Variants in CNTNAP5 observed in about 807,000 individuals in gnomAD.
CNTNAP5 encodes contactin associated protein family member 5.
In CNTNAP5, 72 loss-of-function variants were observed where a neutral mutation model predicts 150.2. The observed-to-expected ratio is 0.48, with a 90% CI of 0.40 to 0.58. The LOEUF (loss-of-function observed/expected upper bound fraction) is 0.58, where lower values mean the gene tolerates loss of function less well. Among genes scored for constraint, CNTNAP5 ranks in the 20% least tolerant of loss-of-function variants. CNTNAP5 has a pLI of 0.00. For synonymous variants in CNTNAP5, 672 were observed against 619.8 expected, an observed-to-expected ratio of 1.08 and a Z score of -1.25; for missense variants, 1,636 against 1,626.2, an observed-to-expected ratio of 1.01 and a Z score of -0.10.
intron 1 of CNTNAP5, among the ~76,000 whole-genome samples, chr2:124,106,068 T>C (rs1272524732): frequency 6.6e-6 from 1 of 152,176 alleles, no homozygotes; most frequent in African/African-American, 2.4e-5. Flanking sequence ...TGTGTATTTC[T>C]CCAGATACTG....
chr2:124,460,218 A>G (rs568661843), intron 6 of CNTNAP5, among the ~76,000 whole-genome samples: 1 of 152,292 alleles, frequency 6.6e-6, no homozygotes, highest in South Asian at 2.1e-4. Context: ...AAGGATACTA[A>G]AGCAAGAGGT....
At chr2:124,364,946 A>G (rs989013953) in intron 3 of CNTNAP5, among the ~76,000 whole-genome samples, 1 of 152,166 alleles carries the variant, frequency 6.6e-6, no homozygotes, top group Non-Finnish European at 1.5e-5. Context: ...CACACCATCA[A>G]TGTGTGCTGA....
intron 7 of CNTNAP5, among the ~76,000 whole-genome samples, chr2:124,480,973 G>A (rs1214310326): frequency 1.3e-5 from 2 of 152,196 alleles, no homozygotes; most frequent in Non-Finnish European, 2.9e-5. Flanking sequence ...AAAACTAACA[G>A]TGTAATGGTT....
At position 124,034,709 on chromosome 2, in the gene CNTNAP5, ATG is replaced by A. The variant is rs531928203; in HGVS notation, c.82+8978_82+8979del. ...GGGCAATGGAGAAGATGTCAGCATT[ATG>A]GCAGAAAGATCCTTAAACAGACCTT... On this transcript the variant is annotated intron_variant, in intron 1 of 23. Transcript: ENST00000682447. 7.2e-5 allele frequency among the ~76,000 whole-genome samples: 11 copies of A among 152,314 alleles called. No individual in the cohort carries two copies. In the East Asian group the frequency reaches 2.1e-3, roughly 30 times the overall value.
intron 1 of CNTNAP5, among the ~76,000 whole-genome samples, chr2:124,044,631 G>C (rs1681476099): frequency 6.6e-6 from 1 of 151,932 alleles, no homozygotes; most frequent in Non-Finnish European, 1.5e-5. Flanking sequence ...CCTTCCCACG[G>C]CCACCCTTAT....
intron 3 of CNTNAP5, among the ~76,000 whole-genome samples, chr2:124,349,874 C>CTTTTTTTTTTTTTTTTTTTTT (rs70996061): frequency 7.3e-5 from 6 of 81,840 alleles, no homozygotes; most frequent in Admixed American, 1.8e-4. Context: ...CTGGCTATTT[C>CTTTTTTTTTTTTTTTTTTTTT]TTTTTTTTTT....
chr2:124,133,796 C>A (rs1006561256), intron 1 of CNTNAP5, among the ~76,000 whole-genome samples: 6 of 152,190 alleles, frequency 3.9e-5, no homozygotes, highest in African/African-American at 1.4e-4. Flanking sequence ...TGAGACCACA[C>A]CTTGGTCATA....
At chr2:124,246,697 T>C (rs1687037467) in intron 3 of CNTNAP5, among the ~76,000 whole-genome samples, 1 of 152,136 alleles carries the variant, frequency 6.6e-6, no homozygotes, top group Admixed American at 6.6e-5. Context: ...ATAACCACAA[T>C]GTTGAGCCCT....
intron 11 of CNTNAP5, among the ~76,000 whole-genome samples, chr2:124,567,864 G>GATAGATAGAGATAA (rs1553480448): frequency 4.2e-5 from 6 of 142,510 alleles, no homozygotes; most frequent in African/African-American, 1.7e-4. Context: ...TAGATAGATA[G>GATAGATAGAGATAA]ATAGATAGAT....
At chr2:124,364,099 A>C (rs1254251989) in intron 3 of CNTNAP5, among the ~76,000 whole-genome samples, 2 of 152,028 alleles carry the variant, frequency 1.3e-5, no homozygotes, top group Non-Finnish European at 2.9e-5. Flanking sequence ...AGTAAGAGGC[A>C]AAATCCTTAC....
chr2:124,191,557 T>A (rs1388593361), intron 1 of CNTNAP5, among the ~76,000 whole-genome samples: 1 of 152,122 alleles, frequency 6.6e-6, no homozygotes, highest in Non-Finnish European at 1.5e-5. Context: ...TATGGCAGTG[T>A]GCTTAGGTTA....
At chr2:124,570,206 C>A (rs1696120055) in intron 11 of CNTNAP5, among the ~76,000 whole-genome samples, 2 of 152,168 alleles carry the variant, frequency 1.3e-5, no homozygotes, top group Non-Finnish European at 2.9e-5. Context: ...ATTTATGAGG[C>A]ATGTGCACAT....
At chr2:124,687,042 AAGTTG>A (rs1679207712) in intron 13 of CNTNAP5, among the ~76,000 whole-genome samples, 2 of 152,060 alleles carry the variant, frequency 1.3e-5, no homozygotes, top group African/African-American at 4.8e-5. Context: ...TGCAATCCAC[AAGTTG>A]AGTTGATAGG....
intron 3 of CNTNAP5, among the ~76,000 whole-genome samples, chr2:124,309,499 TA>T (rs144600182): frequency 0.05 from 7,653 of 152,332 alleles, 239 homozygotes; most frequent in Non-Finnish European, 0.069. Flanking sequence ...GTCACCTCTC[TA>T]TTTTCATATT....
intron 3 of CNTNAP5, among the ~76,000 whole-genome samples, chr2:124,336,944 C>T (rs997673347): frequency 1.6e-4 from 25 of 152,072 alleles, no homozygotes; most frequent in African/African-American, 5.6e-4. Context: ...CCTGAGGAAT[C>T]GCCACACTGA....
intron 11 of CNTNAP5, among the ~76,000 whole-genome samples, chr2:124,584,307 T>A (rs1339956866): frequency 6.6e-6 from 1 of 152,156 alleles, no homozygotes. Flanking sequence ...TTCCTGCTGG[T>A]GGTCATGAAG....
rs58774096 is a variant in CNTNAP5, at chr2:124,619,842, CATAT to C, written c.1876+9962_1876+9965del. ...AATCTCCTTCTCTCACTGTCTCATTCATATATATATATATATATATATATATATA... is the reference window on the plus strand; with the variant it reads ...AATCTCCTTCTCTCACTGTCTCATTCATATATATATATATATATATATATA... On this transcript the variant is annotated intron_variant, in intron 12 of 23. Transcript: ENST00000682447. Among the ~76,000 whole-genome samples, 502 of 98,340 alleles carry C rather than the reference CATAT, an allele frequency of 5.1e-3. 8 individuals carry two copies. The highest frequency in any genetic ancestry group is 0.025 in the African/African-American group (425 of 16,802). The allele number at this position is 98,340 out of a possible 152,430, so 64.5% of individuals were successfully genotyped here. A position where few individuals can be genotyped will look rare whatever the true frequency, so the allele number is the denominator to read the frequency against.
intron 3 of CNTNAP5, among the ~76,000 whole-genome samples, chr2:124,366,290 A>G (rs1383403965): frequency 6.6e-6 from 1 of 152,226 alleles, no homozygotes; most frequent in African/African-American, 2.4e-5. Flanking sequence ...CTTATGAAGC[A>G]CAAAATAACG....
chr2:124,483,110 AC>A (rs1693797490), intron 7 of CNTNAP5, among the ~76,000 whole-genome samples: 1 of 152,012 alleles, frequency 6.6e-6, no homozygotes, highest in African/African-American at 2.4e-5. Context: ...CTCTTCCCTG[AC>A]CCAGCCCCAA....
Sources: allele counts gnomAD v4.1 joint callset (sites outside exome capture counted in the v4.1 genomes callset), GRCh38; gene constraint gnomAD v4.1.1; transcripts MANE v1.5; gene names NCBI Gene and HGNC (gene_info 2026-07-23, HGNC 2026-07-21).